CCDC171: variants seen among roughly 807,000 people sequenced by gnomAD.
CCDC171 encodes coiled-coil domain containing 171, also known as coiled-coil domain-containing protein 171.
In CCDC171, 177 loss-of-function variants were observed where a neutral mutation model predicts 168.2. That is an observed-to-expected ratio of 1.05 (90% confidence interval 0.93 to 1.19). The LOEUF (loss-of-function observed/expected upper bound fraction) is 1.19. CCDC171 is among the 50% of genes most tolerant of loss of function. The pLI is 0.00. For synonymous variants in CCDC171, 687 were observed against 540.8 expected (o/e 1.27, Z -3.75); for missense variants, 1,991 against 1,539.0 (o/e 1.29, Z -4.91).
At chr9:15,652,474 C>T (rs117240226) in intron 7 of CCDC171, among the ~76,000 whole-genome samples, 2 of 149,534 alleles carry the variant, frequency 1.3e-5, no homozygotes, top group Non-Finnish European at 3.0e-5. Context: ...GAGACAGAGT[C>T]TGGCTCTGTC....
rs182714048 is a variant in CCDC171 at position 16,004,151 on chromosome 9, G to A, written n.369-16438G>A. On this transcript the variant is annotated intron_variant and non_coding_transcript_variant, in intron 3 of 9. Coordinates refer to the CCDC171 transcript ENST00000486641. ...GAGATATGATGGGAGCACCAGAAAC[G>A]GCTAGCCACCATATCTGTCCAGTTT... 1.0e-3 allele frequency among the ~76,000 whole-genome samples: 152 copies of A among 152,236 alleles called. 1 individual carries two copies. Among genetic ancestry groups the A allele is most frequent in the African/African-American group, 3.3e-3 (138 of 41,532 alleles).
intron 3 of CCDC171, among the ~76,000 whole-genome samples, chr9:16,017,306 A>T (rs1207042838): frequency 9.6e-6 from 1 of 103,696 alleles, no homozygotes; most frequent in Non-Finnish European, 2.3e-5. Flanking sequence ...CAAACTGCAC[A>T]AAAAAATACC....
chr9:15,787,685 A>G (rs2058039973), intron 21 of CCDC171, among the ~76,000 whole-genome samples: 1 of 152,208 alleles, frequency 6.6e-6, no homozygotes, highest in African/African-American at 2.4e-5. Context: ...ACATTAAAAA[A>G]TGTACATGTT....
At chr9:15,728,900 C>G (rs1283280479) in intron 15 of CCDC171, among the ~76,000 whole-genome samples, 1 of 151,952 alleles carries the variant, frequency 6.6e-6, no homozygotes, top group African/African-American at 2.4e-5. Flanking sequence ...GACCTAATTT[C>G]AGGGTGATAT....
At chr9:16,080,535 C>T in the CCDC171 span, among the ~76,000 whole-genome samples, 1 of 152,178 alleles carries the variant, frequency 6.6e-6, no homozygotes, top group African/African-American at 2.4e-5. Flanking sequence ...CTAACCAAGA[C>T]GAGCACTATT....
intron 16 of CCDC171, among the ~76,000 whole-genome samples, chr9:15,743,243 G>A (rs2055018955): frequency 7.5e-6 from 1 of 133,830 alleles, no homozygotes; most frequent in Non-Finnish European, 1.5e-5. Context: ...ATGGCTCACT[G>A]CAGCCTCAAC....
intron 25 of CCDC171, among the ~76,000 whole-genome samples, chr9:15,950,939 C>G (rs1235584538): frequency 6.6e-6 from 1 of 151,316 alleles, no homozygotes; most frequent in Non-Finnish European, 1.5e-5. Context: ...ATCTACCAAG[C>G]AAATGGAAAA....
intron 3 of CCDC171, among the ~76,000 whole-genome samples, chr9:15,982,923 AGGTCAAAATAATG>A (rs1298395143): frequency 6.6e-6 from 1 of 152,124 alleles, no homozygotes; most frequent in Admixed American, 6.5e-5. Context: ...TGCAGGGGTG[AGGTCAAAATAATG>A]GGCATCTCCA....
At chr9:15,955,568 C>T (rs10810508) in intron 25 of CCDC171, among the ~76,000 whole-genome samples, 47,321 of 151,976 alleles carry the variant, frequency 0.31, 9,163 homozygotes, top group East Asian at 0.62. Flanking sequence ...ATAGCTGCTG[C>T]TGTGCTAAGA....
chr9:15,893,959 A>G (rs957749489), intron 24 of CCDC171, among the ~76,000 whole-genome samples: 11 of 152,196 alleles, frequency 7.2e-5, no homozygotes, highest in African/African-American at 2.7e-4. Flanking sequence ...AATCATTGTT[A>G]TAATGATACA....
intron 10 of CCDC171, among the ~76,000 whole-genome samples, chr9:15,689,993 T>C (rs1201733316): frequency 6.6e-6 from 1 of 152,156 alleles, no homozygotes; most frequent in Non-Finnish European, 1.5e-5. Flanking sequence ...GAGAACTGGC[T>C]ATCCACATCC....
At chr9:15,693,298 A>G (rs573174395) in intron 10 of CCDC171, among the ~76,000 whole-genome samples, 1 of 152,290 alleles carries the variant, frequency 6.6e-6, no homozygotes, top group East Asian at 1.9e-4. Flanking sequence ...TTTTTAGCTG[A>G]ACAAGATAAC....
intron 1 of CCDC171, among the ~76,000 whole-genome samples, chr9:16,058,113 C>G (rs919169013): frequency 2.6e-5 from 4 of 151,766 alleles, no homozygotes; most frequent in African/African-American, 7.3e-5. Flanking sequence ...GAAATATTCA[C>G]ATGAGGGGGA....
At chr9:15,833,220 G>C (rs968281682) in intron 21 of CCDC171, among the ~76,000 whole-genome samples, 1 of 152,018 alleles carries the variant, frequency 6.6e-6, no homozygotes, top group Admixed American at 6.6e-5. Context: ...TCGAACTCCT[G>C]ACCTCTGGTG....
At chr9:15,623,502 C>CACACACAA (rs1006558906) in intron 7 of CCDC171, 89 bp downstream of exon 7, 4 of 693,528 alleles carry the variant, frequency 5.8e-6, no homozygotes. Context: ...CACACACACA[C>CACACACAA]ACACATAAAA....
At chr9:15,637,738 C>T (rs184101093) in intron 7 of CCDC171, among the ~76,000 whole-genome samples, 58 of 150,944 alleles carry the variant, frequency 3.8e-4, no homozygotes, top group Non-Finnish European at 5.8e-4. Flanking sequence ...TCTGTCCTTG[C>T]GATAGTTTAC....
At chr9:15,874,817 T>G (rs1817637611) in intron 24 of CCDC171, 154 bp downstream of exon 24, 3 of 706,626 alleles carry the variant, frequency 4.2e-6, no homozygotes, top group Non-Finnish European at 6.1e-6. Context: ...AACAGTATAC[T>G]TTACAAAATA....
chr9:15,585,983 C>G lies in CCDC171; in HGVS notation c.353-5383C>G, dbSNP rs148859859. ...AGAGTGAGACTCTGTCTCAAAAAAA[C>G]AAAACGAAAAACTCCTTGAACAGTA... On this transcript the variant is annotated intron_variant, in intron 4 of 25. Coordinates refer to ENST00000380701, the MANE Select transcript of CCDC171 (RefSeq NM_173550.4). Among the ~76,000 whole-genome samples, 266 of 152,046 alleles carry G rather than the reference C, an allele frequency of 1.7e-3. 2 individuals are homozygous for G. The highest frequency in any genetic ancestry group is 6.0e-3 in the African/African-American group (248 of 41,488).
intron 6 of CCDC171, among the ~76,000 whole-genome samples, chr9:15,602,627 C>CATTTCTTTTTTTTTT (rs2042935570): frequency 3.6e-5 from 1 of 27,962 alleles, no homozygotes; most frequent in Non-Finnish European, 7.3e-5. Flanking sequence ...TAGTGTTTCT[C>CATTTCTTTTTTTTTT]ATTTCTTTTT....
Sources: allele counts gnomAD v4.1 joint callset (sites outside exome capture counted in the v4.1 genomes callset), GRCh38; gene constraint gnomAD v4.1.1; transcripts MANE v1.5; gene names NCBI Gene and HGNC (gene_info 2026-07-23, HGNC 2026-07-21).